Variants in ABCC8 observed in about 807,000 individuals in gnomAD.
ABCC8 encodes the protein ATP binding cassette subfamily C member 8.
A neutral mutation model predicts 188.0 loss-of-function variants in ABCC8; 137 were observed. That is an observed-to-expected ratio of 0.73 (90% CI 0.63 to 0.84). The LOEUF (loss-of-function observed/expected upper bound fraction) is 0.84. Among genes scored for constraint, ABCC8 ranks in the 40% least tolerant of loss-of-function variants. ABCC8 has a pLI of 0.00. For synonymous variants in ABCC8, 797 were observed against 846.5 expected (o/e 0.94, Z 1.01); for missense variants, 1,750 against 2,072.7 (o/e 0.84, Z 3.02).
At chr11:17,416,516 G>A (rs1358707490) in intron 17 of ABCC8, among the ~76,000 whole-genome samples, 2 of 152,060 alleles carry the variant, frequency 1.3e-5, no homozygotes, top group African/African-American at 2.4e-5. Context: ...CTAAAAGTAC[G>A]TTCACCAGGT....
rs772031866 is a variant in ABCC8 at position 17,398,473 on chromosome 11, C to A, written c.3651-32G>T. 4 of 1,613,116 alleles carry A rather than the reference C, an allele frequency of 2.5e-6. No individual in the cohort carries two copies. The South Asian group carries it at 3.3e-5, about 13-fold the overall frequency. On this transcript the variant is annotated intron_variant, in intron 29 of 38. Transcript: ENST00000389817. Reference sequence around the variant, plus strand: ...GGAGGATGAGAAGCTCCTAAGGGAACAGTGTTGGTCCACATAGCTCCTAGG... The same window carrying A: ...GGAGGATGAGAAGCTCCTAAGGGAAAAGTGTTGGTCCACATAGCTCCTAGG...
chr11:17,475,136 C>A, intron 1 of ABCC8, 109 bp from the exon 2 acceptor site: 1 of 1,505,142 alleles, frequency 6.6e-7, no homozygotes, highest in Non-Finnish European at 9.0e-7. Context: ...GAGGGTGACA[C>A]CTACACATGA....
At chr11:17,395,443 G>C in intron 35 of ABCC8, 167 bp downstream of exon 35, 1 of 1,476,304 alleles carries the variant, frequency 6.8e-7, no homozygotes, top group Admixed American at 2.0e-5. Flanking sequence ...CCATGGGTGG[G>C]GGATCCCCTT....
Position 17,403,229 on chromosome 11 carries a change from A to G in ABCC8, c.3558-476T>C, listed in dbSNP as rs551755611. Among the ~76,000 whole-genome samples, 120 of 152,288 alleles carry G rather than the reference A, an allele frequency of 7.9e-4. 1 individual carries two copies. Among genetic ancestry groups the G allele is most frequent in the Non-Finnish European group, 6.9e-4 (47 of 68,030 alleles). The stretch of plus-strand genomic sequence containing the variant: ...CTGGCCAGTGATGTGCTGAAATGAT[A>G]GGTTTCGTCTCGGGGTAAGGCCAGA... On this transcript the variant is annotated intron_variant, in intron 28 of 38. Transcript: ENST00000389817.
At chr11:17,467,061 C>CACAT in intron 3 of ABCC8, among the ~76,000 whole-genome samples, 1 of 151,226 alleles carries the variant, frequency 6.6e-6, no homozygotes, top group East Asian at 1.9e-4. Context: ...CACACACACA[C>CACAT]ACACACACAC....
intron 3 of ABCC8, chr11:17,465,249 G>A (rs1285916429): frequency 2.0e-5 from 3 of 152,266 alleles, no homozygotes; most frequent in African/African-American, 4.8e-5. Flanking sequence ...TTCTATCCCA[G>A]GCATCAGAAG....
chr11:17,408,549 G>A (rs1954650259), intron 22 of ABCC8, 32 bp from the exon 23 acceptor site: 2 of 1,598,472 alleles, frequency 1.3e-6, no homozygotes, highest in Non-Finnish European at 8.5e-7. Flanking sequence ...TGGTTTGGGG[G>A]CTGGCTGGGG....
intron 6 of ABCC8, among the ~76,000 whole-genome samples, chr11:17,456,174 T>C (rs1478680339): frequency 1.3e-5 from 2 of 152,152 alleles, no homozygotes; most frequent in African/African-American, 4.8e-5. Context: ...TAGGCCCTAG[T>C]CTTGCATTTT....
At chr11:17,463,882 A>G (rs1847986802) in intron 3 of ABCC8, among the ~76,000 whole-genome samples, 1 of 152,224 alleles carries the variant, frequency 6.6e-6, no homozygotes, top group South Asian at 2.1e-4. Context: ...GAAGAATGGG[A>G]AATTTATTTA....
rs1253284091 is a variant in ABCC8 at position 17,476,693 on chromosome 11, C to T, written c.84G>A (p.Val28=). 4 of 1,611,280 alleles carry T rather than the reference C, an allele frequency of 2.5e-6. No homozygotes were observed. In the Admixed American group the frequency reaches 6.7e-5, roughly 27 times the overall value. ...DQGVLNNGCF[V]DALNVVPHVF... ...CGTGCGGCACCACGTTGAGCGCGTC[C>T]ACAAAGCAGCCGTTGTTGAGGACCC... The change falls in exon 1 of 39, where the codon GTG becomes GTA. Residue 28 remains valine, a synonymous_variant. Transcript: ENST00000389817.
rs1260237508 is a variant in ABCC8 at position 17,428,902 on chromosome 11, G to A, written c.1818-232C>T. The stretch of plus-strand genomic sequence containing the variant: ...AGGCTGGGGTCTGGATTGGAGGTGA[G>A]ATTGGTTAGTTTTAGGGTTAATGTT... On this transcript the variant is annotated intron_variant, in intron 12 of 38. Coordinates refer to ENST00000389817, the MANE Select transcript of ABCC8 (RefSeq NM_000352.6). 1.0e-5 allele frequency: 7 copies of A among 687,784 alleles called. No individual in the cohort carries two copies. The African/African-American group carries it at 1.3e-4, about 12-fold the overall frequency. The allele number at this position is 687,784 out of a possible 1,614,324, so 42.6% of individuals were successfully genotyped here. A position where few individuals can be genotyped will look rare whatever the true frequency, so the allele number is the denominator to read the frequency against.
chr11:17,449,513 C>G (rs1028883535), intron 7 of ABCC8, among the ~76,000 whole-genome samples: 1 of 152,226 alleles, frequency 6.6e-6, no homozygotes, highest in African/African-American at 2.4e-5. Context: ...ACCCCAAGGA[C>G]CCTCACAGGG....
At chr11:17,428,738 C>T in intron 12 of ABCC8, 68 bp from the exon 13 acceptor site, 1 of 1,595,840 alleles carries the variant, frequency 6.3e-7, no homozygotes, top group Non-Finnish European at 8.5e-7. Context: ...AGGGCGCAGC[C>T]TGATAGAGAG....
At chr11:17,428,790 C>T in intron 12 of ABCC8, 120 bp from the exon 13 acceptor site, 2 of 1,531,562 alleles carry the variant, frequency 1.3e-6, no homozygotes, top group Non-Finnish European at 1.7e-6. Context: ...TCCCACAAAG[C>T]CCACACTGAA....
rs747871837 is a variant in ABCC8, at chr11:17,397,052, G to A, written c.3989-6C>T. 1 of 1,614,022 alleles carries A rather than the reference G, an allele frequency of 6.2e-7. No homozygotes were observed. Among genetic ancestry groups the A allele is most frequent in the African/African-American group, 1.3e-5 (1 of 74,916 alleles). On this transcript the variant is annotated splice_polypyrimidine_tract_variant and splice_region_variant and intron_variant, in intron 32 of 38. Transcript: ENST00000389817. ...CTTTGGGATCAGCGATGGTGCTGGG[G>A]GCCGGGCTGGGCTCAGCCACCAGGC... is the stretch of plus-strand genomic sequence containing the variant.
intron 1 of ABCC8, 74 bp from the exon 2 acceptor site, chr11:17,475,101 G>T: frequency 6.3e-7 from 1 of 1,593,268 alleles, no homozygotes; most frequent in Non-Finnish European, 8.5e-7. Flanking sequence ...ACCCCAGAAA[G>T]GTGCTTGGGC....
At chr11:17,394,021 T>C in intron 37 of ABCC8, among the ~76,000 whole-genome samples, 1 of 152,162 alleles carries the variant, frequency 6.6e-6, no homozygotes, top group East Asian at 1.9e-4. Flanking sequence ...GTGAAGTCTG[T>C]GTGGGTCTGT....
intron 2 of ABCC8, among the ~76,000 whole-genome samples, chr11:17,474,224 A>T (rs1158196821): frequency 1.3e-5 from 2 of 152,238 alleles, no homozygotes; most frequent in Non-Finnish European, 2.9e-5. Flanking sequence ...GGACTGAATA[A>T]TGTTTATGTT....
chr11:17,470,580 C>T (rs1848426547), intron 2 of ABCC8, among the ~76,000 whole-genome samples: 1 of 152,204 alleles, frequency 6.6e-6, no homozygotes, highest in African/African-American at 2.4e-5. Flanking sequence ...GCTGTGATAA[C>T]AAACTGATGA....
Sources: allele counts gnomAD v4.1 joint callset (sites outside exome capture counted in the v4.1 genomes callset), GRCh38; gene constraint gnomAD v4.1.1; transcripts MANE v1.5; gene names NCBI Gene and HGNC (gene_info 2026-07-23, HGNC 2026-07-21).